Variants in CFAP251 observed in about 807,000 individuals in gnomAD.
CFAP251 encodes the protein cilia- and flagella-associated protein 251.
In CFAP251, 93 loss-of-function variants were observed where a neutral mutation model predicts 126.7. The observed-to-expected ratio is 0.73, with a 90% CI of 0.62 to 0.87. The LOEUF is 0.87. CFAP251 is among the 40% of genes least tolerant of loss of function. The pLI is 0.00. For missense variants in CFAP251, 1,287 were observed against 1,389.2 expected (o/e 0.93, Z 1.17); for synonymous variants, 503 against 506.9 (o/e 0.99, Z 0.10).
chr12:121,958,379 C>T lies in CFAP251; in HGVS notation c.1838C>T (p.Ser613Phe). Residue 613 changes from serine to phenylalanine, a missense_variant, in exon 12 of 22, where the codon TCC becomes TTC. Coordinates refer to ENST00000288912, the MANE Select transcript of CFAP251 (RefSeq NM_144668.6). ...CCCAAGGATGCCATTTGTGCCATCT[C>T]CTGCCACCCATATCAACCCCTCATT... ...VEPKDAICAI[S>F]CHPYQPLIAI... 1 of 1,614,262 alleles carries T rather than the reference C, an allele frequency of 6.2e-7. No homozygotes were observed. The highest frequency in any genetic ancestry group is 1.1e-5 in the South Asian group (1 of 91,090).
In CFAP251 at chr12:121,992,993, C is replaced by CCACGG. The variant is rs1217354233; in HGVS notation, c.3007-6723_3007-6722insCACGG. On this transcript the variant is annotated intron_variant, in intron 19 of 21. Transcript: ENST00000288912. Reference sequence around the variant, plus strand: ...CCTCTCCCTCTCCGTCTCCCTCTCCCTCTCCCTCTCCCCACGGTCTCCCTC... The same window carrying CCACGG: ...CCTCTCCCTCTCCGTCTCCCTCTCCCCACGGTCTCCCTCTCCCCACGGTCTCCCTC... Among the ~76,000 whole-genome samples the CCACGG allele has an allele frequency of 1.1e-4, 16 of 148,178 alleles. No individual in the cohort carries two copies. The East Asian group carries it at 3.2e-3, about 30-fold the overall frequency.
intron 3 of CFAP251, among the ~76,000 whole-genome samples, chr12:121,928,678 A>ATATATATACG (rs1565902730): frequency 3.2e-4 from 14 of 44,176 alleles, no homozygotes; most frequent in African/African-American, 6.3e-4. Flanking sequence ...ACGTATATAT[A>ATATATATACG]TATATATATA....
chr12:121,977,737 C>G (rs945860732), intron 19 of CFAP251, among the ~76,000 whole-genome samples: 12 of 151,128 alleles, frequency 7.9e-5, no homozygotes, highest in African/African-American at 2.7e-4. Flanking sequence ...GGGCGGATCA[C>G]GAGGTCAGAA....
At chr12:121,957,635 C>A (rs947327726) in intron 11 of CFAP251, among the ~76,000 whole-genome samples, 1 of 141,914 alleles carries the variant, frequency 7.0e-6, no homozygotes, top group Non-Finnish European at 1.5e-5. Context: ...ACCCGGGAGA[C>A]GGAGCTTGCA....
intron 19 of CFAP251, among the ~76,000 whole-genome samples, chr12:121,980,472 C>T (rs938765816): frequency 6.6e-6 from 1 of 150,632 alleles, no homozygotes; most frequent in Non-Finnish European, 1.5e-5. Context: ...CCTCAGCCCT[C>T]CAAGTAGCTG....
chr12:121,923,506 A>G (rs10770186), intron 2 of CFAP251, 116 bp from the exon 3 acceptor site: 766,562 of 1,352,422 alleles, frequency 0.57, 221,537 homozygotes, highest in African/African-American at 0.72. Context: ...TTTAAAAAAC[A>G]TTTCATAATT....
rs534689331 is a variant in CFAP251, at chr12:121,931,644, G to C, written c.748-102G>C. 4.4e-5 allele frequency: 53 copies of C among 1,209,356 alleles called. No homozygotes were observed. The South Asian group carries it at 1.2e-3, about 27-fold the overall frequency. The allele number at this position is 1,209,356 out of a possible 1,614,324, so 74.9% of individuals were successfully genotyped here. On this transcript the variant is annotated intron_variant, in intron 3 of 21. Coordinates refer to ENST00000288912, the MANE Select transcript of CFAP251 (RefSeq NM_144668.6). The stretch of plus-strand genomic sequence containing the variant: ...TTTCTTAAAGTGGTTCCTCTTCACT[G>C]AACTGTTGATGTGAAATCCTTCCCC...
intron 19 of CFAP251, among the ~76,000 whole-genome samples, chr12:121,992,987 C>G (rs71444545): frequency 5.4e-4 from 70 of 128,540 alleles, no homozygotes; most frequent in Non-Finnish European, 9.8e-4. Context: ...CTCCGTCTCC[C>G]TCTCCCTCTC....
rs59303038 is a variant in CFAP251 at position 121,928,670 on chromosome 12, G to A, written c.748-3076G>A. Reference sequence around the variant, plus strand: ...TATATATATATACGTATATATATACGTATATATATATATATATACGTATAT... The same window carrying A: ...TATATATATATACGTATATATATACATATATATATATATATATACGTATAT... On this transcript the variant is annotated intron_variant, in intron 3 of 21. Coordinates refer to ENST00000288912, the MANE Select transcript of CFAP251 (RefSeq NM_144668.6). Among the ~76,000 whole-genome samples, 45 of 50,880 alleles carry A rather than the reference G, an allele frequency of 8.8e-4. 1 individual carries two copies. The highest frequency in any genetic ancestry group is 1.7e-3 in the Non-Finnish European group (20 of 11,932). 33.4% of individuals were successfully genotyped at this position (50,880 alleles called of 152,430 possible).
At chr12:121,922,640 T>G (rs1880232576) in intron 2 of CFAP251, among the ~76,000 whole-genome samples, 1 of 151,860 alleles carries the variant, frequency 6.6e-6, no homozygotes, top group African/African-American at 2.4e-5. Context: ...AGCTGTGGCC[T>G]AAGAATAGGT....
chr12:121,927,512 G>T (rs1173142223), intron 3 of CFAP251, among the ~76,000 whole-genome samples: 1 of 152,166 alleles, frequency 6.6e-6, no homozygotes, highest in Non-Finnish European at 1.5e-5. Flanking sequence ...GGCCAGGCTG[G>T]TCTCGAGCTC....
chr12:121,969,771 C>T (rs1317872183), intron 17 of CFAP251: 3 of 985,250 alleles, frequency 3.0e-6, no homozygotes, highest in Non-Finnish European at 3.6e-6. Flanking sequence ...GCCACTGCAC[C>T]CAGCTAGAAC....
chr12:122,001,753 GA>G, intron 21 of CFAP251, 155 bp downstream of exon 21: 1 of 665,398 alleles, frequency 1.5e-6, no homozygotes, highest in Non-Finnish European at 2.7e-6. Flanking sequence ...AATAAGTTAT[GA>G]AAAGAACAGT....
intron 17 of CFAP251, among the ~76,000 whole-genome samples, chr12:121,972,939 G>A (rs1362421932): frequency 1.3e-5 from 2 of 152,334 alleles, no homozygotes; most frequent in East Asian, 3.9e-4. Context: ...ATTTTCTGAG[G>A]AGAAATTCAA....
intron 16 of CFAP251, among the ~76,000 whole-genome samples, 180 bp from the exon 17 acceptor site, chr12:121,967,826 C>G (rs747075577): frequency 6.6e-6 from 1 of 152,220 alleles, no homozygotes; most frequent in Non-Finnish European, 1.5e-5. Flanking sequence ...AAGGGGCCCC[C>G]TACCAGGGCT....
At chr12:121,970,083 G>A in intron 17 of CFAP251, 1 of 484,858 alleles carries the variant, frequency 2.1e-6, no homozygotes, top group Non-Finnish European at 2.7e-6. Flanking sequence ...TGAGTTGTAG[G>A]GGAGATAAAG....
intron 19 of CFAP251, among the ~76,000 whole-genome samples, chr12:121,978,348 C>T (rs1169078): frequency 6.6e-5 from 9 of 135,572 alleles, no homozygotes; most frequent in African/African-American, 2.3e-4. Context: ...GAGCCGAGAT[C>T]GTGCCACTGC....
At position 121,999,792 on chromosome 12, in the gene CFAP251, C is replaced by A. The variant is rs142553407; in HGVS notation, c.3083C>A (p.Pro1028Gln). The change falls in exon 20 of 22, where the codon CCA becomes CAA. Residue 1028 changes from proline to glutamine, a missense_variant. Transcript: ENST00000288912. ...TGKLIDKINL[P>Q]DFLKVYLNHK... ...AAGCTAATCGACAAGATCAACTTACCAGATTTCCTAAAAGTGTACCTTAAC... is the reference window on the plus strand; with the variant it reads ...AAGCTAATCGACAAGATCAACTTACAAGATTTCCTAAAAGTGTACCTTAAC... 8.7e-6 allele frequency: 14 copies of A among 1,613,970 alleles called. No individual in the cohort carries two copies. In the African/African-American group the frequency reaches 1.3e-4, roughly 15 times the overall value.
chr12:121,956,424 GA>G (rs1311685930), intron 10 of CFAP251, among the ~76,000 whole-genome samples: 1 of 152,174 alleles, frequency 6.6e-6, no homozygotes, highest in Non-Finnish European at 1.5e-5. Context: ...ACATGGCCCT[GA>G]TAAAATTGCC....
Sources: gnomAD v4.1 joint callset for allele counts (sites outside exome capture counted in the v4.1 genomes callset) on GRCh38, gnomAD v4.1.1 for gene constraint, MANE v1.5 for transcripts, NCBI Gene and HGNC (gene_info 2026-07-23, HGNC 2026-07-21) for gene names.